The following BBS9 variants were observed in gnomAD, a reference collection of about 807,000 sequenced individuals.
The protein encoded by BBS9 is Bardet-Biedl syndrome 9.
Under a neutral mutation model 117.7 loss-of-function variants are expected in BBS9, and 89 were observed. That is an observed-to-expected ratio of 0.76 (90% confidence interval 0.64 to 0.90). BBS9 has a LOEUF of 0.90. Among genes scored for constraint, BBS9 ranks in the 40% least tolerant of loss-of-function variants. The pLI is 0.00. For missense variants in BBS9, 982 were observed against 1,042.2 expected, an observed-to-expected ratio of 0.94 and a Z score of 0.80; for synonymous variants, 379 against 370.9, an observed-to-expected ratio of 1.02 and a Z score of -0.25.
At chr7:33,531,047 C>A (rs1850497841) in intron 20 of BBS9, among the ~76,000 whole-genome samples, 1 of 152,106 alleles carries the variant, frequency 6.6e-6, no homozygotes, top group Non-Finnish European at 1.5e-5. Flanking sequence ...GAGTTCAAGA[C>A]CAGCCTGGCC....
At chr7:33,407,040 G>T (rs1247281476) in intron 19 of BBS9, among the ~76,000 whole-genome samples, 2 of 152,114 alleles carry the variant, frequency 1.3e-5, no homozygotes, top group East Asian at 3.9e-4. Flanking sequence ...TTCCAAGTTG[G>T]TTCCATTCTC....
chr7:33,474,017 A>AG (rs1293137273), intron 19 of BBS9, among the ~76,000 whole-genome samples: 1 of 152,218 alleles, frequency 6.6e-6, no homozygotes. Flanking sequence ...TTAAATATCT[A>AG]TTTGGATTTG....
chr7:33,273,785 A>T, intron 8 of BBS9, 42 bp from the exon 9 acceptor site: 1 of 1,580,704 alleles, frequency 6.3e-7, no homozygotes, highest in Non-Finnish European at 8.7e-7. Context: ...TTTCCAAATG[A>T]CTGTTTTCTT....
chr7:33,535,949 T>C (rs977805684), intron 21 of BBS9, among the ~76,000 whole-genome samples: 3 of 152,084 alleles, frequency 2.0e-5, no homozygotes, highest in African/African-American at 7.2e-5. Flanking sequence ...AATCCCTGTC[T>C]TAGTCGTTTT....
intron 19 of BBS9, among the ~76,000 whole-genome samples, chr7:33,405,620 G>C (rs1370475291): frequency 6.6e-6 from 1 of 152,184 alleles, no homozygotes; most frequent in Admixed American, 6.5e-5. Context: ...AGATTTTCTA[G>C]TTTATTTGCG....
chr7:33,155,729 A>G, intron 4 of BBS9, 27 bp downstream of exon 4: 1 of 1,094,808 alleles, frequency 9.1e-7, no homozygotes, highest in Non-Finnish European at 1.3e-6. Context: ...CCAATGTAGA[A>G]TTTATATTAC....
chr7:33,532,332 C>T (rs1174088305), intron 20 of BBS9, among the ~76,000 whole-genome samples: 2 of 152,232 alleles, frequency 1.3e-5, no homozygotes, highest in African/African-American at 2.4e-5. Context: ...AAATGCCAGT[C>T]TGACCATTTG....
At chr7:33,409,041 T>A (rs1169892284) in intron 19 of BBS9, among the ~76,000 whole-genome samples, 3 of 152,194 alleles carry the variant, frequency 2.0e-5, no homozygotes, top group Admixed American at 6.5e-5. Flanking sequence ...CCATTGCCCA[T>A]TTTTTAATGA....
At chr7:33,520,638 T>G (rs987808295) in intron 20 of BBS9, among the ~76,000 whole-genome samples, 1 of 152,164 alleles carries the variant, frequency 6.6e-6, no homozygotes, top group African/African-American at 2.4e-5. Flanking sequence ...TGTAATCCAA[T>G]GTACTTTCAT....
chr7:33,336,676 A>G (rs543140642), intron 10 of BBS9, 54 bp downstream of exon 10: 29 of 1,168,534 alleles, frequency 2.5e-5, no homozygotes, highest in Non-Finnish European at 3.4e-5. Context: ...AATTCATATT[A>G]TCTTGTAGAT....
At chr7:33,444,333 T>C (rs1034697152) in intron 19 of BBS9, among the ~76,000 whole-genome samples, 1 of 152,220 alleles carries the variant, frequency 6.6e-6, no homozygotes, top group African/African-American at 2.4e-5. Flanking sequence ...ATGAAAAAAG[T>C]TATTTGGAAG....
intron 5 of BBS9, among the ~76,000 whole-genome samples, chr7:33,184,728 A>G (rs1012062104): frequency 6.6e-6 from 1 of 152,122 alleles, no homozygotes; most frequent in Non-Finnish European, 1.5e-5. Flanking sequence ...GTTACTGGAA[A>G]GGGGTCCTGA....
intron 5 of BBS9, among the ~76,000 whole-genome samples, chr7:33,208,732 A>T (rs977851575): frequency 2.0e-5 from 3 of 151,716 alleles, no homozygotes; most frequent in Admixed American, 1.3e-4. Flanking sequence ...GTGTGGTTTT[A>T]TGTTTTTTCT....
rs1238768280 is a variant in BBS9 at position 33,320,566 on chromosome 7, T to C, written c.1017-15875T>C. ...TGCAATAAACATGAGACTGGATATC[T>C]CTCCAATCTACTGATTTCCTTTCTT... On this transcript the variant is annotated intron_variant, in intron 9 of 22. Transcript: ENST00000242067. 2.0e-5 allele frequency among the ~76,000 whole-genome samples: 3 copies of C among 152,180 alleles called. 1 individual carries two copies. The highest frequency in any genetic ancestry group is 7.2e-5 in the African/African-American group (3 of 41,462).
intron 19 of BBS9, among the ~76,000 whole-genome samples, chr7:33,491,494 A>C (rs543905756): frequency 2.0e-5 from 3 of 152,314 alleles, no homozygotes; most frequent in Admixed American, 1.3e-4. Flanking sequence ...AGTAATATTA[A>C]GCTAATATGC....
In BBS9 at chr7:33,413,473, C is replaced by T. The variant is rs189928308; in HGVS notation, c.2115+25329C>T. 5.9e-4 allele frequency among the ~76,000 whole-genome samples: 89 copies of T among 152,094 alleles called. No individual in the cohort carries two copies. The East Asian group carries it at 8.5e-3, about 15-fold the overall frequency. Reference sequence around the variant, plus strand: ...TTATTACTAATTTTATGAGTTGATGCGGCATAGAAAATGTGCAGGCGATTC... The same window carrying T: ...TTATTACTAATTTTATGAGTTGATGTGGCATAGAAAATGTGCAGGCGATTC... On this transcript the variant is annotated intron_variant, in intron 19 of 22. Transcript: ENST00000242067.
chr7:33,501,119 C>T (rs1845384352), intron 19 of BBS9, among the ~76,000 whole-genome samples: 1 of 152,168 alleles, frequency 6.6e-6, no homozygotes, highest in African/African-American at 2.4e-5. Context: ...CGCTCTCCCT[C>T]AAATTTAAGT....
chr7:33,524,337 C>G (rs916901908), intron 20 of BBS9, among the ~76,000 whole-genome samples: 4 of 152,250 alleles, frequency 2.6e-5, no homozygotes, highest in Non-Finnish European at 4.4e-5. Context: ...CCAGTTCCTC[C>G]TTGTACCTCT....
intron 5 of BBS9, among the ~76,000 whole-genome samples, chr7:33,199,859 T>A (rs2128208578): frequency 6.6e-6 from 1 of 151,928 alleles, no homozygotes; most frequent in Non-Finnish European, 1.5e-5. Flanking sequence ...AATAAACCAT[T>A]TATTTTAAGC....
Sources: allele counts gnomAD v4.1 joint callset (sites outside exome capture counted in the v4.1 genomes callset), GRCh38; gene constraint gnomAD v4.1.1; transcripts MANE v1.5; gene names NCBI Gene and HGNC (gene_info 2026-07-23, HGNC 2026-07-21).